The following SSH2 variants were observed in gnomAD, a reference collection of about 807,000 sequenced individuals.
SSH2 encodes slingshot protein phosphatase 2, also known as protein phosphatase Slingshot homolog 2.
In SSH2, 37 loss-of-function variants were observed where a neutral mutation model predicts 135.2. The observed-to-expected ratio is 0.27, with a 90% CI of 0.21 to 0.36. SSH2 has a LOEUF of 0.36. Ranked by LOEUF, SSH2 falls within the 10% of genes least tolerant of loss-of-function variation. The pLI is 1.00. For synonymous variants in SSH2, 628 were observed against 646.2 expected, an observed-to-expected ratio of 0.97 and a Z score of 0.43; for missense variants, 1,408 against 1,765.3, an observed-to-expected ratio of 0.80 and a Z score of 3.63.
intron 2 of SSH2, among the ~76,000 whole-genome samples, chr17:29,830,781 C>G (rs933808473): frequency 2.0e-5 from 3 of 152,158 alleles, no homozygotes; most frequent in Admixed American, 1.3e-4. Context: ...AAGGAGTACC[C>G]AGGCCAGTTC....
chr17:29,736,505 C>T (rs759404764), intron 3 of SSH2, among the ~76,000 whole-genome samples: 48 of 152,172 alleles, frequency 3.2e-4, no homozygotes, highest in Non-Finnish European at 4.4e-4. Context: ...GCTAATTTTT[C>T]GGTTGGGCGC....
At chr17:29,742,498 T>TC (rs1234597453) in intron 3 of SSH2, among the ~76,000 whole-genome samples, 2 of 147,266 alleles carry the variant, frequency 1.4e-5, no homozygotes, top group Non-Finnish European at 3.0e-5. Flanking sequence ...TTTTTTTTTT[T>TC]TTCTTTTCAA....
At chr17:29,892,203 G>A (rs899992556) in intron 1 of SSH2, among the ~76,000 whole-genome samples, 4 of 151,954 alleles carry the variant, frequency 2.6e-5, no homozygotes, top group African/African-American at 9.7e-5. Flanking sequence ...ACAGCATTTG[G>A]CTAATAGCAA....
chr17:29,665,432 C>A (rs902957691), intron 11 of SSH2, among the ~76,000 whole-genome samples: 3 of 152,160 alleles, frequency 2.0e-5, no homozygotes, highest in Non-Finnish European at 2.9e-5. Context: ...AGGGCACAAG[C>A]CTTCAAAGGC....
intron 2 of SSH2, among the ~76,000 whole-genome samples, chr17:29,794,264 G>A (rs1397068774): frequency 6.6e-6 from 1 of 152,026 alleles, no homozygotes. Flanking sequence ...AAAACGAGTG[G>A]GCATTCTGAC....
chr17:29,761,244 C>T lies in SSH2; in HGVS notation c.188+32650G>A, dbSNP rs751144181. 14 of 1,289,498 alleles carry T rather than the reference C, an allele frequency of 1.1e-5. No individual in the cohort carries two copies. The East Asian group carries it at 7.8e-4, about 72-fold the overall frequency. 79.9% of individuals were successfully genotyped at this position (1,289,498 alleles called of 1,614,324 possible). A position where few individuals can be genotyped will look rare whatever the true frequency, so the allele number is the denominator to read the frequency against. On this transcript the variant is annotated intron_variant, in intron 3 of 15. Coordinates refer to ENST00000540801, the MANE Select transcript of SSH2 (RefSeq NM_001282129.2). ...AGGCTGCAGGTGCAAGCGAGGGGCG[C>T]CTTCCTCTTGCGGGCCAACGTGCTC...
chr17:29,769,145 CAG>C (rs1005269398), intron 3 of SSH2, among the ~76,000 whole-genome samples: 10 of 152,186 alleles, frequency 6.6e-5, no homozygotes, highest in Admixed American at 6.5e-4. Flanking sequence ...CTATGAGGCT[CAG>C]AGAGGTTAAA....
intron 3 of SSH2, among the ~76,000 whole-genome samples, chr17:29,788,069 T>A (rs562046569): frequency 6.6e-6 from 1 of 152,224 alleles, no homozygotes; most frequent in South Asian, 2.1e-4. Context: ...TTTGTTTATC[T>A]TCTTTGGAGA....
At chr17:29,722,348 T>C (rs2039852318) in intron 3 of SSH2, among the ~76,000 whole-genome samples, 1 of 151,842 alleles carries the variant, frequency 6.6e-6, no homozygotes, top group Non-Finnish European at 1.5e-5. Context: ...TCACACATGT[T>C]ATATGTCTTA....
chr17:29,721,363 A>G (rs1037980803), intron 3 of SSH2, among the ~76,000 whole-genome samples: 4 of 152,224 alleles, frequency 2.6e-5, no homozygotes, highest in Admixed American at 6.5e-5. Context: ...GATTGCTTTT[A>G]GGTTTTGGTC....
Position 29,632,362 on chromosome 17 carries a change from G to C in SSH2, c.2832C>G (p.Ala944=). 1.2e-6 allele frequency: 2 copies of C among 1,613,980 alleles called. No individual in the cohort carries two copies. Among genetic ancestry groups the C allele is most frequent in the Non-Finnish European group, 8.5e-7 (1 of 1,179,892 alleles). The change falls in exon 16 of 16, where the codon GCC becomes GCG. Residue 944 remains alanine (A), a synonymous_variant. Transcript: ENST00000540801. ...TGAGGACAAATGAATGTTCTGGGGG[G>C]GCTTCATCACTTTTCCCTTTTGGTG... is the stretch of plus-strand genomic sequence containing the variant. ...DLAPKGKSDE[A]PPEHSFVLKE...
At chr17:29,896,796 G>A (rs1166697702) in intron 1 of SSH2, among the ~76,000 whole-genome samples, 2 of 151,524 alleles carry the variant, frequency 1.3e-5, no homozygotes, top group African/African-American at 4.8e-5. Context: ...ACTATGCTTA[G>A]GTAAAATTAT....
At chr17:29,832,441 A>C (rs1213787267) in intron 2 of SSH2, among the ~76,000 whole-genome samples, 1 of 151,886 alleles carries the variant, frequency 6.6e-6, no homozygotes, top group Non-Finnish European at 1.5e-5. Context: ...TCCTTTAAGT[A>C]ATGTTTGAAT....
chr17:29,863,189 T>C (rs569166241), intron 1 of SSH2, among the ~76,000 whole-genome samples: 2 of 152,276 alleles, frequency 1.3e-5, no homozygotes, highest in Non-Finnish European at 1.5e-5. Flanking sequence ...AAAAAAAGAT[T>C]GCCAACTCCT....
intron 3 of SSH2, among the ~76,000 whole-genome samples, chr17:29,712,256 C>T (rs559165872): frequency 3.9e-5 from 6 of 152,198 alleles, no homozygotes; most frequent in South Asian, 4.1e-4. Context: ...TGTCCTTTGT[C>T]CACAAGGAAA....
chr17:29,697,680 C>A (rs993726005), intron 4 of SSH2, among the ~76,000 whole-genome samples: 3 of 152,068 alleles, frequency 2.0e-5, no homozygotes, highest in African/African-American at 7.2e-5. Flanking sequence ...AACTCCCCCA[C>A]CCCAAACCAA....
chr17:29,636,996 GT>G (rs956305388), intron 14 of SSH2, among the ~76,000 whole-genome samples, 194 bp from the exon 15 acceptor site: 1 of 152,088 alleles, frequency 6.6e-6, no homozygotes, highest in Non-Finnish European at 1.5e-5. Context: ...ATGAGTGTGA[GT>G]TTTTTTTACC....
intron 3 of SSH2, among the ~76,000 whole-genome samples, chr17:29,765,673 A>G (rs2151264001): frequency 6.6e-6 from 1 of 152,244 alleles, no homozygotes; most frequent in South Asian, 2.1e-4. Context: ...TCCTAGCCCT[A>G]CTTTCTTTAA....
At chr17:29,684,409 G>A (rs533892478) in intron 6 of SSH2, among the ~76,000 whole-genome samples, 154 bp downstream of exon 6, 10 of 151,736 alleles carry the variant, frequency 6.6e-5, no homozygotes, top group South Asian at 6.3e-4. Context: ...CCCGGGAGGC[G>A]GAGGTTGCAG....
Sources: gnomAD v4.1 joint callset for allele counts (sites outside exome capture counted in the v4.1 genomes callset) on GRCh38, gnomAD v4.1.1 for gene constraint, MANE v1.5 for transcripts, NCBI Gene and HGNC (gene_info 2026-07-23, HGNC 2026-07-21) for gene names.